WDR27: variants seen among roughly 807,000 people sequenced by gnomAD.
WDR27 encodes WD repeat-containing protein 27.
In WDR27, 100 loss-of-function variants were observed where a neutral mutation model predicts 114.4. That is an observed-to-expected ratio of 0.87 (90% CI 0.74 to 1.03). The LOEUF (loss-of-function observed/expected upper bound fraction) is 1.03, where lower values mean the gene tolerates loss of function less well. Among genes scored for constraint, WDR27 ranks in the 50% least tolerant of loss-of-function variants. The pLI is 0.00. For missense variants in WDR27, 1,129 were observed against 1,092.9 expected (o/e 1.03, Z -0.47); for synonymous variants, 449 against 423.1 (o/e 1.06, Z -0.75).
chr6:169,503,867 C>G (rs1032367779), intron 25 of WDR27, among the ~76,000 whole-genome samples: 1 of 151,902 alleles, frequency 6.6e-6, no homozygotes, highest in Non-Finnish European at 1.5e-5. Flanking sequence ...GCTAAGCAGT[C>G]CATTCTTCAT....
the WDR27 span, among the ~76,000 whole-genome samples, chr6:169,446,706 C>T: frequency 6.6e-6 from 1 of 152,208 alleles, no homozygotes; most frequent in African/African-American, 2.4e-5. Flanking sequence ...CTTGTTCTTA[C>T]AAACATAACT....
intron 24 of WDR27, among the ~76,000 whole-genome samples, chr6:169,577,550 G>T (rs1802605666): frequency 6.6e-6 from 1 of 152,158 alleles, no homozygotes; most frequent in African/African-American, 2.4e-5. Flanking sequence ...AGTGAGCAAC[G>T]GGAGACGAAC....
chr6:169,513,377 C>A (rs1793163583), intron 25 of WDR27, among the ~76,000 whole-genome samples: 1 of 152,088 alleles, frequency 6.6e-6, no homozygotes, highest in South Asian at 2.1e-4. Context: ...TCCCGGGACG[C>A]CCAGGCTTAA....
At chr6:169,512,421 C>T (rs1030815248) in intron 25 of WDR27, among the ~76,000 whole-genome samples, 32 of 152,040 alleles carry the variant, frequency 2.1e-4, no homozygotes, top group African/African-American at 6.3e-4. Context: ...CCTAGAATGA[C>T]CAAAAATTAA....
chr6:169,464,092 A>G (rs1785236733), intron 25 of WDR27, among the ~76,000 whole-genome samples: 1 of 152,228 alleles, frequency 6.6e-6, no homozygotes, highest in East Asian at 1.9e-4. Flanking sequence ...AGGAAGAACA[A>G]AACTGGAGGA....
chr6:169,691,750 C>T (rs1290376834), intron 1 of WDR27, among the ~76,000 whole-genome samples: 1 of 152,176 alleles, frequency 6.6e-6, no homozygotes, highest in African/African-American at 2.4e-5. Flanking sequence ...TTGCAGTTTA[C>T]AAACCACTTC....
chr6:169,512,934 C>T (rs1793097963), intron 25 of WDR27, among the ~76,000 whole-genome samples: 1 of 152,118 alleles, frequency 6.6e-6, no homozygotes. Context: ...AGATCACCAC[C>T]AACTCTAAAG....
intron 6 of WDR27, 97 bp downstream of exon 6, chr6:169,667,039 C>T (rs1395894988): frequency 5.9e-6 from 8 of 1,354,792 alleles, no homozygotes; most frequent in Admixed American, 3.8e-5. Flanking sequence ...CAGATCCACT[C>T]GAATGTCCCA....
intron 1 of WDR27, among the ~76,000 whole-genome samples, chr6:169,692,248 T>G (rs1345915367): frequency 1.3e-5 from 2 of 152,232 alleles, no homozygotes; most frequent in African/African-American, 2.4e-5. Context: ...CATCCCTGAC[T>G]GTATCTCATA....
At chr6:169,679,998 G>C (rs931154127) in intron 2 of WDR27, among the ~76,000 whole-genome samples, 1 of 152,070 alleles carries the variant, frequency 6.6e-6, no homozygotes, top group Admixed American at 6.5e-5. Flanking sequence ...TGATAGAAGA[G>C]CAACATATTA....
chr6:169,428,817 C>G, the WDR27 span, among the ~76,000 whole-genome samples: 3 of 152,182 alleles, frequency 2.0e-5, no homozygotes, highest in Non-Finnish European at 4.4e-5. Flanking sequence ...TCTGGACTAG[C>G]CTCTTCCTTT....
chr6:169,686,088 T>C (rs572349211), intron 2 of WDR27, among the ~76,000 whole-genome samples: 4 of 152,354 alleles, frequency 2.6e-5, no homozygotes, highest in African/African-American at 9.6e-5. Context: ...AAGAATATTA[T>C]ACCCAGCAAA....
At chr6:169,660,020 G>A (rs1316804004) in intron 10 of WDR27, among the ~76,000 whole-genome samples, 2 of 151,914 alleles carry the variant, frequency 1.3e-5, no homozygotes, top group African/African-American at 4.8e-5. Flanking sequence ...GGCTAGAAAG[G>A]AGGCACCGAG....
At chr6:169,686,822 A>T (rs1477378454) in intron 2 of WDR27, among the ~76,000 whole-genome samples, 2 of 152,142 alleles carry the variant, frequency 1.3e-5, no homozygotes, top group Non-Finnish European at 2.9e-5. Context: ...AAAAGACTGA[A>T]ATCCTGTCAT....
intron 25 of WDR27, among the ~76,000 whole-genome samples, chr6:169,464,781 A>G (rs2115293076): frequency 6.6e-6 from 1 of 152,356 alleles, no homozygotes; most frequent in Admixed American, 6.5e-5. Flanking sequence ...AGAGACTTGA[A>G]TAGACATTCC....
intron 25 of WDR27, among the ~76,000 whole-genome samples, chr6:169,469,606 C>A (rs1786071621): frequency 6.6e-6 from 1 of 152,196 alleles, no homozygotes; most frequent in African/African-American, 2.4e-5. Context: ...CCTGATGGGG[C>A]CTGTGGTGGG....
At chr6:169,599,618 G>A (rs1053869119) in intron 23 of WDR27, among the ~76,000 whole-genome samples, 2 of 152,068 alleles carry the variant, frequency 1.3e-5, no homozygotes, top group African/African-American at 4.8e-5. Flanking sequence ...CCCCTTTATT[G>A]TTTTTTATTG....
intron 25 of WDR27, among the ~76,000 whole-genome samples, chr6:169,553,207 C>G (rs999610268): frequency 1.3e-5 from 2 of 152,044 alleles, no homozygotes; most frequent in Non-Finnish European, 2.9e-5. Flanking sequence ...TTTCAGGCAG[C>G]ACCAGAGTCC....
chr6:169,495,834 C>T (rs1034810697), intron 25 of WDR27, among the ~76,000 whole-genome samples: 17 of 151,924 alleles, frequency 1.1e-4, no homozygotes, highest in African/African-American at 4.1e-4. Flanking sequence ...GTGAGTTCTG[C>T]CAAAAATTTA....
Sources: allele counts gnomAD v4.1 joint callset (sites outside exome capture counted in the v4.1 genomes callset), GRCh38; gene constraint gnomAD v4.1.1; transcripts MANE v1.5; gene names NCBI Gene and HGNC (gene_info 2026-07-23, HGNC 2026-07-21).